Variants in COL14A1 observed in about 807,000 individuals in gnomAD.
COL14A1 encodes the protein collagen type XIV alpha 1 chain.
In COL14A1, 136 loss-of-function variants were observed where a neutral mutation model predicts 230.3. The observed-to-expected ratio is 0.59, with a 90% CI of 0.51 to 0.68. COL14A1 has a LOEUF of 0.68. Ranked by LOEUF, COL14A1 falls within the 30% of genes least tolerant of loss-of-function variation. The pLI, the probability that COL14A1 is intolerant of heterozygous loss-of-function variation, is 0.00. For missense variants in COL14A1, 1,976 were observed against 2,215.8 expected, an observed-to-expected ratio of 0.89 and a Z score of 2.17; for synonymous variants, 792 against 784.1, an observed-to-expected ratio of 1.01 and a Z score of -0.17.
At chr8:120,228,868 T>A in intron 18 of COL14A1, 99 bp downstream of exon 18, 1 of 1,040,434 alleles carries the variant, frequency 9.6e-7, no homozygotes, top group Non-Finnish European at 1.5e-6. Flanking sequence ...GGAAAAGAGA[T>A]GACCCTCCCT....
At chr8:120,348,288 T>C (rs953115593) in intron 45 of COL14A1, among the ~76,000 whole-genome samples, 2 of 148,586 alleles carry the variant, frequency 1.3e-5, no homozygotes, top group Admixed American at 1.3e-4. Flanking sequence ...TATGTATATA[T>C]ATGAAGCATA....
chr8:120,298,597 TTATATATATATATATATATA>T lies in COL14A1; in HGVS notation c.4314+1032_4314+1051del, dbSNP rs59846403. The stretch of plus-strand genomic sequence containing the variant: ...TGGGATGTGTGTATACCCATATATT[TTATATATATATATATATATA>T]TATATATATATATATATATATACAA... On this transcript the variant is annotated intron_variant, in intron 35 of 47. Transcript: ENST00000297848. Among the ~76,000 whole-genome samples, 60 of 57,988 alleles carry T rather than the reference TTATATATATATATATATATA, an allele frequency of 1.0e-3. 1 individual carries two copies. Among genetic ancestry groups the T allele is most frequent in the East Asian group, 4.2e-3 (4 of 950 alleles). The allele number at this position is 57,988 out of a possible 152,430, so 38.0% of individuals were successfully genotyped here.
intron 36 of COL14A1, among the ~76,000 whole-genome samples, chr8:120,303,702 CTGT>C (rs1175644078): frequency 6.6e-6 from 1 of 152,028 alleles, no homozygotes; most frequent in Non-Finnish European, 1.5e-5. Flanking sequence ...CTTTTCTTTT[CTGT>C]TGTTGTGTCT....
intron 40 of COL14A1, 98 bp downstream of exon 40, chr8:120,316,095 G>C: frequency 7.9e-7 from 1 of 1,263,200 alleles, no homozygotes; most frequent in South Asian, 1.3e-5. Context: ...AGTCAAGCCA[G>C]TTTTTGCTTT....
At chr8:120,196,647 A>C (rs1817047565) in intron 5 of COL14A1, 144 bp from the exon 6 acceptor site, 1 of 746,328 alleles carries the variant, frequency 1.3e-6, no homozygotes, top group Non-Finnish European at 2.1e-6. Flanking sequence ...AATACATTTA[A>C]GGGAAGAGTT....
intron 5 of COL14A1, among the ~76,000 whole-genome samples, chr8:120,183,339 T>C (rs928213721): frequency 6.6e-6 from 1 of 152,162 alleles, no homozygotes; most frequent in Non-Finnish European, 1.5e-5. Context: ...TAGGTCACTT[T>C]GAGAGTCCTG....
chr8:120,206,916 T>C (rs376547274), intron 9 of COL14A1, 27 bp from the exon 10 acceptor site: 5 of 1,578,168 alleles, frequency 3.2e-6, no homozygotes, highest in South Asian at 2.4e-5. Context: ...GGGTAAGAGG[T>C]TTATTTGATA....
At chr8:120,150,079 T>A (rs1035331415) in intron 2 of COL14A1, among the ~76,000 whole-genome samples, 1 of 152,200 alleles carries the variant, frequency 6.6e-6, no homozygotes. Context: ...CCTATTTATT[T>A]ATTTATTTTT....
chr8:120,224,980 G>A, intron 14 of COL14A1, 108 bp from the exon 15 acceptor site: 3 of 962,058 alleles, frequency 3.1e-6, no homozygotes, highest in Non-Finnish European at 4.5e-6. Context: ...AATTTGTTTT[G>A]CAGTGTTTAT....
At chr8:120,344,474 C>T (rs1357005104) in intron 44 of COL14A1, among the ~76,000 whole-genome samples, 3 of 152,142 alleles carry the variant, frequency 2.0e-5, no homozygotes, top group African/African-American at 7.2e-5. Flanking sequence ...AAGGCAGAAA[C>T]TGAAAAAGCA....
At chr8:120,231,264 T>C (rs976495868) in intron 18 of COL14A1, among the ~76,000 whole-genome samples, 4 of 152,160 alleles carry the variant, frequency 2.6e-5, no homozygotes, top group African/African-American at 4.8e-5. Flanking sequence ...TGTAAGCATC[T>C]CTTAATTCCA....
chr8:120,325,711 C>T (rs1000228982), intron 40 of COL14A1, among the ~76,000 whole-genome samples: 7 of 151,938 alleles, frequency 4.6e-5, no homozygotes, highest in Non-Finnish European at 8.8e-5. Context: ...CAGGCTGGTC[C>T]GGAACCCCCG....
At chr8:120,247,513 A>T in intron 20 of COL14A1, 100 bp from the exon 21 acceptor site, 1 of 1,130,774 alleles carries the variant, frequency 8.8e-7, no homozygotes. Flanking sequence ...AAATATTTTT[A>T]ATTTTGTGGG....
intron 36 of COL14A1, among the ~76,000 whole-genome samples, chr8:120,302,437 C>T (rs1320961325): frequency 6.6e-6 from 1 of 152,102 alleles, no homozygotes; most frequent in African/African-American, 2.4e-5. Context: ...AGGAAGGGGT[C>T]CAGTTTCAAT....
rs141254857 is a variant in COL14A1, at chr8:120,373,457, C to CTGA, written c.*2228_*2230dup. Among the ~76,000 whole-genome samples, 2,074 of 152,200 alleles carry CTGA rather than the reference C, an allele frequency of 0.014. 28 individuals are homozygous for CTGA. Among genetic ancestry groups the CTGA allele is most frequent in the Middle Eastern group, 0.045 (13 of 292 alleles). ...TACAATACATTGCCTGTAATAAAAG[C>CTGA]TGATTCTGAAGTGCATTTTTCTTGA... is the stretch of plus-strand genomic sequence containing the variant. On this transcript the variant is annotated 3_prime_UTR_variant, in exon 48 of 48. Transcript: ENST00000297848.
chr8:120,209,004 G>T (rs1185426067), intron 11 of COL14A1, among the ~76,000 whole-genome samples: 1 of 152,110 alleles, frequency 6.6e-6, no homozygotes, highest in African/African-American at 2.4e-5. Flanking sequence ...GCCTCTGATA[G>T]AACAATAACA....
chr8:120,195,042 G>C (rs1446346902), intron 5 of COL14A1, among the ~76,000 whole-genome samples: 1 of 152,100 alleles, frequency 6.6e-6, no homozygotes, highest in Non-Finnish European at 1.5e-5. Context: ...ACAAACTTTG[G>C]ATTAAGTTGT....
Position 120,286,319 on chromosome 8 carries a change from C to T in COL14A1, c.4077+349C>T, listed in dbSNP as rs951516837. Among the ~76,000 whole-genome samples, 11 of 152,196 alleles carry T rather than the reference C, an allele frequency of 7.2e-5. No homozygotes were observed. The East Asian group carries it at 1.9e-3, about 27-fold the overall frequency. ...TTGCTGGTCTAGCTGGTACAACTAG[C>T]TATCTATGAGTGCAGAAGAAAGCAC... On this transcript the variant is annotated intron_variant, in intron 33 of 47. Coordinates refer to ENST00000297848, the MANE Select transcript of COL14A1 (RefSeq NM_021110.4).
At chr8:120,298,597 T>TTA (rs59846403) in intron 35 of COL14A1, among the ~76,000 whole-genome samples, 2,590 of 57,594 alleles carry the variant, frequency 0.045, 107 homozygotes, top group South Asian at 0.073. Context: ...CCCATATATT[T>TTA]TATATATATA....
Sources: gnomAD v4.1 joint callset for allele counts (sites outside exome capture counted in the v4.1 genomes callset) on GRCh38, gnomAD v4.1.1 for gene constraint, MANE v1.5 for transcripts, NCBI Gene and HGNC (gene_info 2026-07-23, HGNC 2026-07-21) for gene names.